The following CTNNA3 variants were observed in gnomAD, a reference collection of about 807,000 sequenced individuals.
CTNNA3 encodes catenin alpha-3.
A neutral mutation model predicts 95.7 loss-of-function variants in CTNNA3; 76 were observed. That is an observed-to-expected ratio of 0.79 (90% CI 0.66 to 0.96). The LOEUF (loss-of-function observed/expected upper bound fraction) is 0.96. CTNNA3 is among the 40% of genes least tolerant of loss of function. The pLI, the probability that CTNNA3 is intolerant of heterozygous loss-of-function variation, is 0.00. For missense variants in CTNNA3, 1,191 were observed against 1,089.8 expected (o/e 1.09, Z -1.31); for synonymous variants, 431 against 374.4 (o/e 1.15, Z -1.74).
intron 10 of CTNNA3, among the ~76,000 whole-genome samples, chr10:66,558,050 A>G (rs185502046): frequency 5.4e-4 from 82 of 152,270 alleles, no homozygotes; most frequent in Non-Finnish European, 2.2e-4. Flanking sequence ...TGACATGGTC[A>G]GTGATACTGG....
At chr10:67,058,455 T>C (rs1855569065) in intron 7 of CTNNA3, among the ~76,000 whole-genome samples, 1 of 152,226 alleles carries the variant, frequency 6.6e-6, no homozygotes, top group African/African-American at 2.4e-5. Context: ...CAGCAGTAAA[T>C]TAGCAGTAAA....
chr10:67,579,671 C>T (rs1842309055), intron 3 of CTNNA3, among the ~76,000 whole-genome samples: 1 of 152,238 alleles, frequency 6.6e-6, no homozygotes, highest in South Asian at 2.1e-4. Flanking sequence ...GTCCCACCAA[C>T]AGTGTAAAAG....
chr10:67,707,509 C>T (rs569802196), intron 1 of CTNNA3, among the ~76,000 whole-genome samples: 80 of 152,186 alleles, frequency 5.3e-4, no homozygotes, highest in African/African-American at 1.7e-3. Context: ...TGATATCATC[C>T]TTCACCTTCT....
intron 10 of CTNNA3, among the ~76,000 whole-genome samples, chr10:66,599,313 CTT>C (rs764896127): frequency 1.6e-4 from 25 of 152,140 alleles, no homozygotes; most frequent in Non-Finnish European, 3.5e-4. Context: ...GCTGTCAACT[CTT>C]TATTAACATC....
At chr10:66,176,733 T>C (rs974245229) in intron 13 of CTNNA3, among the ~76,000 whole-genome samples, 4 of 152,044 alleles carry the variant, frequency 2.6e-5, no homozygotes, top group African/African-American at 7.2e-5. Flanking sequence ...AACCAGAAAG[T>C]AGAACCTCAC....
At chr10:67,624,624 GA>G (rs1843966158) in intron 2 of CTNNA3, among the ~76,000 whole-genome samples, 1 of 152,142 alleles carries the variant, frequency 6.6e-6, no homozygotes, top group Non-Finnish European at 1.5e-5. Context: ...GGGCAAAGAG[GA>G]AGCAATCCCT....
intron 11 of CTNNA3, among the ~76,000 whole-genome samples, chr10:66,445,485 A>G: frequency 6.6e-6 from 1 of 152,220 alleles, no homozygotes; most frequent in Non-Finnish European, 1.5e-5. Context: ...CTCAAACCAC[A>G]GTGCAATCAA....
chr10:66,438,309 C>T (rs1267208538), intron 11 of CTNNA3, among the ~76,000 whole-genome samples: 1 of 152,202 alleles, frequency 6.6e-6, no homozygotes, highest in Non-Finnish European at 1.5e-5. Flanking sequence ...GCTGCCCCTT[C>T]CCCCAGGTGC....
At chr10:66,245,093 C>A (rs889796077) in intron 13 of CTNNA3, among the ~76,000 whole-genome samples, 5 of 152,102 alleles carry the variant, frequency 3.3e-5, no homozygotes, top group Admixed American at 6.5e-5. Context: ...CCATGCCTGC[C>A]AAGGGTGAGT....
intron 1 of CTNNA3, among the ~76,000 whole-genome samples, chr10:67,732,462 AC>A (rs1841281157): frequency 6.6e-6 from 1 of 152,214 alleles, no homozygotes; most frequent in African/African-American, 2.4e-5. Flanking sequence ...AAAACCTGTT[AC>A]TAATTTCACC....
At chr10:67,241,236 C>T (rs1865707824) in intron 5 of CTNNA3, among the ~76,000 whole-genome samples, 1 of 152,052 alleles carries the variant, frequency 6.6e-6, no homozygotes, top group Non-Finnish European at 1.5e-5. Flanking sequence ...GCCTGGCCAA[C>T]ATGGTGAAAC....
At chr10:66,444,067 G>A (rs1021170283) in intron 11 of CTNNA3, among the ~76,000 whole-genome samples, 1 of 152,066 alleles carries the variant, frequency 6.6e-6, no homozygotes, top group Admixed American at 6.6e-5. Flanking sequence ...TGGAAGAAAG[G>A]GTATCAGTGA....
intron 13 of CTNNA3, among the ~76,000 whole-genome samples, chr10:66,140,942 A>G (rs2083583494): frequency 6.6e-6 from 1 of 152,154 alleles, no homozygotes; most frequent in Admixed American, 6.6e-5. Flanking sequence ...AAGAAACATC[A>G]TAATCTAAGA....
chr10:66,447,073 C>A (rs2093428170), intron 11 of CTNNA3, among the ~76,000 whole-genome samples: 1 of 151,546 alleles, frequency 6.6e-6, no homozygotes, highest in African/African-American at 2.4e-5. Context: ...CTCCCATTCA[C>A]AATTGCTTCA....
intron 13 of CTNNA3, among the ~76,000 whole-genome samples, chr10:66,130,625 G>A (rs968012004): frequency 6.6e-6 from 1 of 151,938 alleles, no homozygotes; most frequent in Non-Finnish European, 1.5e-5. Flanking sequence ...CAGGAGGATC[G>A]TGAGGTCTCG....
chr10:66,547,970 C>T (rs1342655331), intron 10 of CTNNA3, among the ~76,000 whole-genome samples: 5 of 150,954 alleles, frequency 3.3e-5, no homozygotes, highest in African/African-American at 9.8e-5. Flanking sequence ...GGCTGGAGTG[C>T]AATGGTGCAA....
chr10:65,946,892 G>A (rs2077524606), intron 17 of CTNNA3, among the ~76,000 whole-genome samples: 1 of 152,090 alleles, frequency 6.6e-6, no homozygotes, highest in Non-Finnish European at 1.5e-5. Context: ...ATTCTGTACA[G>A]TAATTGAATA....
At chr10:67,372,528 T>C (rs902975336) in intron 5 of CTNNA3, among the ~76,000 whole-genome samples, 3 of 152,042 alleles carry the variant, frequency 2.0e-5, no homozygotes, top group Non-Finnish European at 4.4e-5. Context: ...ATAGGGAGAA[T>C]GGAACCAAGT....
chr10:67,337,004 A>C (rs2132601941), intron 5 of CTNNA3, among the ~76,000 whole-genome samples: 1 of 152,300 alleles, frequency 6.6e-6, no homozygotes, highest in South Asian at 2.1e-4. Context: ...GCTTGCTAAC[A>C]CAACATCCAT....
Sources: gnomAD v4.1 joint callset for allele counts (sites outside exome capture counted in the v4.1 genomes callset) on GRCh38, gnomAD v4.1.1 for gene constraint, MANE v1.5 for transcripts, NCBI Gene and HGNC (gene_info 2026-07-23, HGNC 2026-07-21) for gene names.